Variants in PIP5K1B observed in about 807,000 individuals in gnomAD.
The protein encoded by PIP5K1B is phosphatidylinositol-4-phosphate 5-kinase type 1 beta.
PIP5K1B carries 42 observed loss-of-function variants against 67.0 expected under a neutral mutation model. The observed-to-expected ratio is 0.63, with a 90% CI of 0.49 to 0.81. The LOEUF is 0.81. Among genes scored for constraint, PIP5K1B ranks in the 30% least tolerant of loss-of-function variants. The pLI, the probability that PIP5K1B is intolerant of heterozygous loss-of-function variation, is 0.00. For missense variants in PIP5K1B, 459 were observed against 646.3 expected (o/e 0.71, Z 3.14); for synonymous variants, 214 against 231.4 (o/e 0.92, Z 0.68).
intron 1 of PIP5K1B, among the ~76,000 whole-genome samples, chr9:68,741,910 G>A (rs1280040411): frequency 6.6e-6 from 1 of 152,140 alleles, no homozygotes; most frequent in Non-Finnish European, 1.5e-5. Context: ...AACCAGGGTA[G>A]GTTATCATGG....
At chr9:68,987,652 AC>A (rs1205562897) in intron 14 of PIP5K1B, among the ~76,000 whole-genome samples, 3 of 152,198 alleles carry the variant, frequency 2.0e-5, no homozygotes, top group Non-Finnish European at 2.9e-5. Context: ...ATAAAGACAT[AC>A]CCGAGACTGG....
intron 2 of PIP5K1B, among the ~76,000 whole-genome samples, chr9:68,772,134 G>T (rs997904196): frequency 6.6e-6 from 1 of 152,132 alleles, no homozygotes; most frequent in African/African-American, 2.4e-5. Context: ...TTTCCCTAAG[G>T]CATGTTGCTT....
chr9:68,980,466 C>T (rs150718163), intron 14 of PIP5K1B, among the ~76,000 whole-genome samples: 94 of 152,274 alleles, frequency 6.2e-4, no homozygotes, highest in Non-Finnish European at 1.0e-3. Flanking sequence ...CAAGGTCTTA[C>T]GATAAATCTG....
chr9:68,901,016 T>C (rs1227267494), intron 8 of PIP5K1B, among the ~76,000 whole-genome samples: 1 of 152,218 alleles, frequency 6.6e-6, no homozygotes, highest in East Asian at 1.9e-4. Flanking sequence ...GTAAACTTTT[T>C]ACATTTTGTT....
At position 68,980,466 on chromosome 9, in the gene PIP5K1B, C is replaced by A. The variant is rs150718163; in HGVS notation, c.1503-10674C>A. Among the ~76,000 whole-genome samples, 614 of 152,274 alleles carry A rather than the reference C, an allele frequency of 4.0e-3. 1 individual carries two copies. The highest frequency in any genetic ancestry group is 6.5e-3 in the Non-Finnish European group (444 of 68,020). ...AAAAGGAATTCTTTCCAAGGTCTTA[C>A]GATAAATCTGTCTATGCAAGCAGAC... is the stretch of plus-strand genomic sequence containing the variant. On this transcript the variant is annotated intron_variant, in intron 14 of 15. Coordinates refer to ENST00000265382, the MANE Select transcript of PIP5K1B (RefSeq NM_003558.4).
chr9:68,850,075 T>G (rs1420665786), intron 4 of PIP5K1B, among the ~76,000 whole-genome samples: 3 of 152,224 alleles, frequency 2.0e-5, no homozygotes, highest in African/African-American at 7.2e-5. Context: ...GGTCATTTAC[T>G]TGCCTCTGCA....
rs752817592 is a variant in PIP5K1B, at chr9:69,008,516, C to T, written c.*67C>T. ...CACAGTTATGGCAGAGAAGTTTCTC[C>T]GCACCAGAATTATCCACAGCAACTT... On this transcript the variant is annotated 3_prime_UTR_variant, in exon 16 of 16. Coordinates refer to ENST00000265382, the MANE Select transcript of PIP5K1B (RefSeq NM_003558.4). The T allele has an allele frequency of 6.1e-5, 91 of 1,502,712 alleles. 1 individual carries two copies. The Middle Eastern group carries it at 1.7e-3, about 28-fold the overall frequency. The allele number at this position is 1,502,712 out of a possible 1,614,324, so 93.1% of individuals were successfully genotyped here.
chr9:68,964,491 T>C (rs962153696), intron 14 of PIP5K1B, among the ~76,000 whole-genome samples: 1 of 152,174 alleles, frequency 6.6e-6, no homozygotes, highest in Admixed American at 6.5e-5. Flanking sequence ...CTCTCCTGGG[T>C]CTGCCACAAA....
chr9:68,732,230 C>T lies in PIP5K1B; in HGVS notation c.-242-10271C>T, dbSNP rs143155752. Among the ~76,000 whole-genome samples the T allele has an allele frequency of 1.1e-4, 16 of 152,230 alleles. No individual in the cohort carries two copies. In the East Asian group the frequency reaches 3.1e-3, roughly 29 times the overall value. ...TTATTTGCAGGTGTGTCTTATCTTC[C>T]CTGTTGGATTGTAAATTGCTTGCGG... On this transcript the variant is annotated intron_variant, in intron 1 of 15. Coordinates refer to ENST00000265382, the MANE Select transcript of PIP5K1B (RefSeq NM_003558.4).
chr9:68,849,581 G>A (rs1045444266), intron 4 of PIP5K1B, among the ~76,000 whole-genome samples: 1 of 152,126 alleles, frequency 6.6e-6, no homozygotes, highest in Non-Finnish European at 1.5e-5. Context: ...GCCCAGGCTG[G>A]TCTTGAACTC....
chr9:68,911,913 T>C lies in PIP5K1B; in HGVS notation c.772-5635T>C, dbSNP rs1825874289. Among the ~76,000 whole-genome samples, 4 of 152,100 alleles carry C rather than the reference T, an allele frequency of 2.6e-5. No homozygotes were observed. The South Asian group carries it at 8.3e-4, about 31-fold the overall frequency. ...ATATTTTTTTAATTTAAAAAAGAAG[T>C]TTAGAGATGTTCTGAAGGAAATATA... On this transcript the variant is annotated intron_variant, in intron 8 of 15. Transcript: ENST00000265382.
At chr9:68,735,790 C>T (rs1489604310) in intron 1 of PIP5K1B, among the ~76,000 whole-genome samples, 2 of 152,116 alleles carry the variant, frequency 1.3e-5, no homozygotes, top group East Asian at 3.8e-4. Context: ...GGGACTGTTA[C>T]TTATATACAG....
chr9:68,887,559 T>G (rs1824542107), intron 6 of PIP5K1B, among the ~76,000 whole-genome samples: 1 of 152,204 alleles, frequency 6.6e-6, no homozygotes, highest in African/African-American at 2.4e-5. Flanking sequence ...GAACATGCAA[T>G]GTTTGTCTTT....
chr9:68,998,153 C>A (rs1359447652), intron 15 of PIP5K1B, among the ~76,000 whole-genome samples: 2 of 151,838 alleles, frequency 1.3e-5, no homozygotes, highest in Admixed American at 6.6e-5. Flanking sequence ...TCACTGCAAC[C>A]TCCACCTTCC....
intron 15 of PIP5K1B, among the ~76,000 whole-genome samples, chr9:69,000,498 T>C (rs1055857357): frequency 6.6e-6 from 1 of 152,148 alleles, no homozygotes; most frequent in Non-Finnish European, 1.5e-5. Flanking sequence ...AGGCCAGAAG[T>C]TCAAGATCAA....
chr9:68,880,529 TGGGC>T (rs1213428835), intron 6 of PIP5K1B, among the ~76,000 whole-genome samples: 5 of 150,628 alleles, frequency 3.3e-5, no homozygotes. Context: ...CACTCCAGCC[TGGGC>T]GGCAGAGCAA....
chr9:68,917,542 A>C lies in PIP5K1B; in HGVS notation c.772-6A>C. The C allele has an allele frequency of 6.2e-7, 1 of 1,610,518 alleles. No homozygotes were observed. The highest frequency in any genetic ancestry group is 8.5e-7 in the Non-Finnish European group (1 of 1,176,884). On this transcript the variant is annotated splice_polypyrimidine_tract_variant and splice_region_variant and intron_variant, in intron 8 of 15. Coordinates refer to ENST00000265382, the MANE Select transcript of PIP5K1B (RefSeq NM_003558.4). ...GACTGGCTTCCTGGTTCTTTTTCTCATTCAGGTGCTAGAAAGCTTCAAGAT... is the reference window on the plus strand; with the variant it reads ...GACTGGCTTCCTGGTTCTTTTTCTCCTTCAGGTGCTAGAAAGCTTCAAGAT...
intron 2 of PIP5K1B, among the ~76,000 whole-genome samples, chr9:68,752,222 C>T (rs1829668260): frequency 6.6e-6 from 1 of 152,154 alleles, no homozygotes; most frequent in African/African-American, 2.4e-5. Context: ...AATAAATGTT[C>T]ACTGAATTGT....
chr9:68,949,524 C>T (rs1474327667), intron 14 of PIP5K1B, among the ~76,000 whole-genome samples: 2 of 152,222 alleles, frequency 1.3e-5, no homozygotes, highest in African/African-American at 4.8e-5. Flanking sequence ...CATGTAATGC[C>T]AGAAATATAA....
Sources: gnomAD v4.1 joint callset for allele counts (sites outside exome capture counted in the v4.1 genomes callset) on GRCh38, gnomAD v4.1.1 for gene constraint, MANE v1.5 for transcripts, NCBI Gene and HGNC (gene_info 2026-07-23, HGNC 2026-07-21) for gene names.